Variants in RASAL2 observed in about 807,000 individuals in gnomAD.
The protein encoded by RASAL2 is RAS protein activator like 2.
RASAL2 carries 58 observed loss-of-function variants against 128.9 expected under a neutral mutation model. That is an observed-to-expected ratio of 0.45 (90% CI 0.36 to 0.56). The LOEUF (loss-of-function observed/expected upper bound fraction) is 0.56. Ranked by LOEUF, RASAL2 falls within the 20% of genes least tolerant of loss-of-function variation. The probability of loss-of-function intolerance (pLI) is 0.00; values close to 1 mark genes in which losing one functional copy is unlikely to be tolerated. For missense variants in RASAL2, 1,360 were observed against 1,601.6 expected (o/e 0.85, Z 2.57); for synonymous variants, 561 against 580.8 (o/e 0.97, Z 0.49).
intron 4 of RASAL2, among the ~76,000 whole-genome samples, chr1:178,390,670 T>G (rs538311029): frequency 6.6e-6 from 1 of 152,190 alleles, no homozygotes; most frequent in African/African-American, 2.4e-5. Flanking sequence ...TAAGCCACCA[T>G]GCCCAGCCGT....
chr1:178,292,069 A>C (rs1399915145), intron 2 of RASAL2, among the ~76,000 whole-genome samples: 2 of 151,598 alleles, frequency 1.3e-5, no homozygotes, highest in African/African-American at 4.8e-5. Flanking sequence ...AATTATAAAG[A>C]ATTTAACTCT....
chr1:178,260,498 A>G (rs573041165), intron 1 of RASAL2, among the ~76,000 whole-genome samples: 11 of 144,354 alleles, frequency 7.6e-5, no homozygotes, highest in African/African-American at 2.6e-4. Context: ...ATTTTTCCCT[A>G]CAGTCTTGAC....
chr1:178,388,070 A>G (rs922762879), intron 3 of RASAL2, among the ~76,000 whole-genome samples: 8 of 152,118 alleles, frequency 5.3e-5, no homozygotes, highest in South Asian at 2.1e-4. Context: ...TTCTCTGTCA[A>G]TTATTCAGAA....
intron 3 of RASAL2, among the ~76,000 whole-genome samples, chr1:178,377,957 A>T (rs1672079505): frequency 6.6e-6 from 1 of 151,986 alleles, no homozygotes; most frequent in Non-Finnish European, 1.5e-5. Context: ...ATTAAAAAAT[A>T]TTTTCAAAAG....
chr1:178,311,967 T>G (rs1212897605), intron 3 of RASAL2, among the ~76,000 whole-genome samples: 1 of 152,018 alleles, frequency 6.6e-6, no homozygotes, highest in Admixed American at 6.6e-5. Flanking sequence ...AACAGAATGT[T>G]TTACAAAGTT....
At chr1:178,399,520 G>A (rs1229901554) in intron 4 of RASAL2, among the ~76,000 whole-genome samples, 1 of 152,140 alleles carries the variant, frequency 6.6e-6, no homozygotes, top group African/African-American at 2.4e-5. Context: ...CTGGCATGGT[G>A]GAACCTGGTA....
rs116823951 is a variant in RASAL2 at position 178,130,224 on chromosome 1, C to G, written c.202+35530C>G. Among the ~76,000 whole-genome samples, 814 of 152,240 alleles carry G rather than the reference C, an allele frequency of 5.3e-3. 8 individuals carry two copies. The highest frequency in any genetic ancestry group is 0.019 in the African/African-American group (784 of 41,550). ...TTCATTGTCACTCTGGGCCTGTGGT[C>G]ATTGACTTCTACCCAAATTTTAACA... On this transcript the variant is annotated intron_variant, in intron 1 of 17. Coordinates refer to ENST00000367649, the MANE Select transcript of RASAL2 (RefSeq NM_170692.4).
rs1467889712 is a variant in RASAL2 at position 178,107,353 on chromosome 1, T to G, written c.202+12659T>G. On this transcript the variant is annotated intron_variant, in intron 1 of 17. Coordinates refer to ENST00000367649, the MANE Select transcript of RASAL2 (RefSeq NM_170692.4). ...TATGTCTTATCCTATCTTCTCTGCCTCTTTGAGACCCATGTGGATAGTAAC... is the reference window on the plus strand; with the variant it reads ...TATGTCTTATCCTATCTTCTCTGCCGCTTTGAGACCCATGTGGATAGTAAC... Among the ~76,000 whole-genome samples the G allele has an allele frequency of 4.6e-5, 7 of 152,320 alleles. No homozygotes were observed. In the South Asian group the frequency reaches 1.2e-3, roughly 27 times the overall value.
chr1:178,171,475 A>G (rs1164345885), intron 1 of RASAL2, among the ~76,000 whole-genome samples: 1 of 152,042 alleles, frequency 6.6e-6, no homozygotes, highest in Non-Finnish European at 1.5e-5. Flanking sequence ...AAGCCCTAGT[A>G]GTTAGTAGTT....
At chr1:178,129,122 C>G (rs1172580590) in intron 1 of RASAL2, among the ~76,000 whole-genome samples, 4 of 152,046 alleles carry the variant, frequency 2.6e-5, no homozygotes, top group African/African-American at 9.7e-5. Flanking sequence ...ATGGCTGGGT[C>G]ATATAGTCAC....
In RASAL2 at chr1:178,349,837, G is replaced by A. The variant is rs1358990761; in HGVS notation, c.458-40263G>A. 2.6e-5 allele frequency among the ~76,000 whole-genome samples: 4 copies of A among 152,128 alleles called. No homozygotes were observed. The South Asian group carries it at 6.2e-4, about 24-fold the overall frequency. On this transcript the variant is annotated intron_variant, in intron 3 of 17. Transcript: ENST00000367649. ...TGTGTAATTCCTTGTTATATTGGAC[G>A]AAAAATAACAGCTTTTTCATCATTG...
intron 1 of RASAL2, among the ~76,000 whole-genome samples, chr1:178,227,102 T>A (rs1242148698): frequency 3.3e-5 from 5 of 152,176 alleles, no homozygotes. Flanking sequence ...CATTACTTGC[T>A]GTACACTTCA....
At chr1:178,324,985 T>C (rs997214854) in intron 3 of RASAL2, among the ~76,000 whole-genome samples, 2 of 152,204 alleles carry the variant, frequency 1.3e-5, no homozygotes, top group East Asian at 1.9e-4. Flanking sequence ...ATAAAGCTGT[T>C]GTGTTCATTG....
intron 1 of RASAL2, among the ~76,000 whole-genome samples, chr1:178,131,146 A>G (rs913883832): frequency 3.9e-5 from 6 of 152,052 alleles, no homozygotes; most frequent in African/African-American, 1.4e-4. Context: ...AATTCCAAAT[A>G]ATTAGAGTAA....
intron 9 of RASAL2, among the ~76,000 whole-genome samples, chr1:178,447,104 G>T (rs1677054481): frequency 6.6e-6 from 1 of 152,160 alleles, no homozygotes; most frequent in South Asian, 2.1e-4. Flanking sequence ...GTAATAACTG[G>T]AGAGCCACTG....
At chr1:178,449,257 A>G (rs932181165) in intron 9 of RASAL2, among the ~76,000 whole-genome samples, 13 of 152,102 alleles carry the variant, frequency 8.5e-5, no homozygotes, top group South Asian at 2.1e-4. Flanking sequence ...TCTTCCATCT[A>G]TTATCCCATT....
chr1:178,122,744 G>GT (rs1659762194), intron 1 of RASAL2, among the ~76,000 whole-genome samples: 1 of 151,426 alleles, frequency 6.6e-6, no homozygotes, highest in Non-Finnish European at 1.5e-5. Flanking sequence ...GATAAATGTA[G>GT]TTTTTTTCAC....
rs1648595076 is a variant in RASAL2, at chr1:178,475,342, G to C, written c.*2103G>C. On this transcript the variant is annotated 3_prime_UTR_variant, in exon 18 of 18. Coordinates refer to ENST00000367649, the MANE Select transcript of RASAL2 (RefSeq NM_170692.4). ...CTCTCCAAGCGGAGGGCACACTGTG[G>C]TCAAAATCACTTATTTTATTAGGAA... The C allele has an allele frequency of 6.6e-6, 1 of 152,172 alleles. No individual in the cohort carries two copies. The highest frequency in any genetic ancestry group is 2.1e-4 in the South Asian group (1 of 4,830). The allele number at this position is 152,172 out of a possible 1,614,324, so 9.4% of individuals were successfully genotyped here. A position where few individuals can be genotyped will look rare whatever the true frequency, so the allele number is the denominator to read the frequency against.
intron 1 of RASAL2, among the ~76,000 whole-genome samples, chr1:178,095,382 T>C (rs752483157): frequency 6.6e-6 from 1 of 151,928 alleles, no homozygotes; most frequent in Non-Finnish European, 1.5e-5. Context: ...TCTATTAGGG[T>C]GAGCCTTGTG....
Sources: gnomAD v4.1 joint callset for allele counts (sites outside exome capture counted in the v4.1 genomes callset) on GRCh38, gnomAD v4.1.1 for gene constraint, MANE v1.5 for transcripts, NCBI Gene and HGNC (gene_info 2026-07-23, HGNC 2026-07-21) for gene names.